Variants in SLC6A7 observed in about 807,000 individuals in gnomAD.
SLC6A7 encodes solute carrier family 6 member 7, also known as sodium-dependent proline transporter.
Under a neutral mutation model 73.1 loss-of-function variants are expected in SLC6A7, and 58 were observed. That is an observed-to-expected ratio of 0.79 (90% confidence interval 0.64 to 0.99). SLC6A7 has a LOEUF of 0.99. SLC6A7 is among the 50% of genes least tolerant of loss of function. The probability of loss-of-function intolerance (pLI) is 0.00; values close to 1 mark genes in which losing one functional copy is unlikely to be tolerated. For synonymous variants in SLC6A7, 338 were observed against 338.7 expected (o/e 1.00, Z 0.02); for missense variants, 783 against 831.4 (o/e 0.94, Z 0.72).
intron 6 of SLC6A7, 149 bp from the exon 7 acceptor site, chr5:150,202,198 G>A: frequency 1.6e-6 from 1 of 638,050 alleles, no homozygotes; most frequent in South Asian, 1.8e-5. Context: ...CTTTGCTCCT[G>A]GTCCACGTCA....
At chr5:150,205,780 T>C (rs1562101139) in intron 13 of SLC6A7, among the ~76,000 whole-genome samples, 157 bp downstream of exon 13, 1 of 152,178 alleles carries the variant, frequency 6.6e-6, no homozygotes, top group East Asian at 1.9e-4. Context: ...GGGGCTGGAG[T>C]CCTGCCCTGT....
rs761857028 is a variant in SLC6A7 at position 150,190,286 on chromosome 5, T to C, written c.-42T>C. ...GACCATCTCTCGTGCCCTCGCTCTC[T>C]GCGCTCCGGGGCAGCTGAGCCCCGG... On this transcript the variant is annotated 5_prime_UTR_variant, in exon 1 of 14. Transcript: ENST00000230671. The C allele has an allele frequency of 2.4e-5, 36 of 1,498,934 alleles. No homozygotes were observed. The Admixed American group carries it at 6.6e-4, about 28-fold the overall frequency. 92.9% of individuals were successfully genotyped at this position (1,498,934 alleles called of 1,614,324 possible).
intron 2 of SLC6A7, among the ~76,000 whole-genome samples, chr5:150,196,122 C>T (rs946531240): frequency 1.3e-5 from 2 of 152,174 alleles, no homozygotes; most frequent in Non-Finnish European, 2.9e-5. Flanking sequence ...GAGGAGAGGG[C>T]GGTGAACCCC....
intron 2 of SLC6A7, among the ~76,000 whole-genome samples, chr5:150,196,287 G>C (rs1467407655): frequency 1.3e-5 from 2 of 152,216 alleles, no homozygotes; most frequent in Non-Finnish European, 2.9e-5. Flanking sequence ...AGAACCAAAG[G>C]GGAAGGGCTA....
Position 150,209,642 on chromosome 5 carries a change from C to T in SLC6A7, c.*27C>T. On this transcript the variant is annotated 3_prime_UTR_variant, in exon 14 of 14. Transcript: ENST00000230671. ...GCAGGAGGCAGGCGGGCAGAAGGCCCTGCCCGGGACCTCACAGTCCCTTCT... is the reference window on the plus strand; with the variant it reads ...GCAGGAGGCAGGCGGGCAGAAGGCCTTGCCCGGGACCTCACAGTCCCTTCT... The T allele has an allele frequency of 6.5e-7, 1 of 1,531,430 alleles. No individual in the cohort carries two copies. The highest frequency in any genetic ancestry group is 8.9e-7 in the Non-Finnish European group (1 of 1,123,678). The allele number at this position is 1,531,430 out of a possible 1,614,324, so 94.9% of individuals were successfully genotyped here. A position where few individuals can be genotyped will look rare whatever the true frequency, so the allele number is the denominator to read the frequency against.
At chr5:150,191,726 A>G (rs937348371) in intron 1 of SLC6A7, among the ~76,000 whole-genome samples, 4 of 151,992 alleles carry the variant, frequency 2.6e-5, no homozygotes, top group African/African-American at 9.7e-5. Flanking sequence ...CACTGCGCCC[A>G]GCTGGTATGT....
Position 150,197,032 on chromosome 5 carries a change from C to G in SLC6A7, c.350-10C>G, listed in dbSNP as rs1046829305. On this transcript the variant is annotated splice_polypyrimidine_tract_variant and intron_variant, in intron 3 of 13. Coordinates refer to ENST00000230671, the MANE Select transcript of SLC6A7 (RefSeq NM_014228.5). Reference sequence around the variant, plus strand: ...GGCCTGGGCAGCCCAGCAGCCTCTCCCCACACCAGGCGCCGGCGCAGCCAT... The same window carrying G: ...GGCCTGGGCAGCCCAGCAGCCTCTCGCCACACCAGGCGCCGGCGCAGCCAT... 1 of 1,612,094 alleles carries G rather than the reference C, an allele frequency of 6.2e-7. No individual in the cohort carries two copies. The highest frequency in any genetic ancestry group is 8.5e-7 in the Non-Finnish European group (1 of 1,178,572).
chr5:150,204,745 G>A (rs1753591345), intron 11 of SLC6A7, 82 bp from the exon 12 acceptor site: 3 of 1,333,340 alleles, frequency 2.2e-6, no homozygotes, highest in Non-Finnish European at 2.2e-6. Flanking sequence ...GTTTCCAGTG[G>A]GGGCAGCTGG....
In SLC6A7 at chr5:150,197,053, G is replaced by T. The variant is rs778572612; in HGVS notation, c.361G>T (p.Ala121Ser). 1 of 1,613,900 alleles carries T rather than the reference G, an allele frequency of 6.2e-7. No homozygotes were observed. Among genetic ancestry groups the T allele is most frequent in the Non-Finnish European group, 8.5e-7 (1 of 1,179,924 alleles). ...ISPLFKGAGA[A>S]MLLIVGLVAI... is the part of the protein sequence containing the mutation. ...TCTCCCCACACCAGGCGCCGGCGCA[G>T]CCATGCTGCTCATCGTGGGCTTGGT... Residue 121 changes from alanine (A) to serine (S), a missense_variant, in exon 4 of 14, where the codon GCC becomes TCC. Coordinates refer to ENST00000230671, the MANE Select transcript of SLC6A7 (RefSeq NM_014228.5).
chr5:150,195,364 G>A (rs1369632119), intron 2 of SLC6A7, among the ~76,000 whole-genome samples: 1 of 151,474 alleles, frequency 6.6e-6, no homozygotes, highest in African/African-American at 2.4e-5. Flanking sequence ...CTTCCATTCA[G>A]GCTGCAAACA....
rs1353330872 is a variant in SLC6A7 at position 150,198,112 on chromosome 5, A to G, written c.584+836A>G. On this transcript the variant is annotated intron_variant, in intron 4 of 13. Coordinates refer to ENST00000230671, the MANE Select transcript of SLC6A7 (RefSeq NM_014228.5). The stretch of plus-strand genomic sequence containing the variant: ...GAAAGAAAGAAAGAAAGAAAGAAAG[A>G]AAGAGAAAGAAAGAAAGAAAGAAAG... 4.7e-4 allele frequency among the ~76,000 whole-genome samples: 42 copies of G among 88,460 alleles called. 1 individual carries two copies. Among genetic ancestry groups the G allele is most frequent in the Non-Finnish European group, 9.2e-4 (33 of 35,766 alleles). 58.0% of individuals were successfully genotyped at this position (88,460 alleles called of 152,430 possible). A position where few individuals can be genotyped will look rare whatever the true frequency, so the allele number is the denominator to read the frequency against.
chr5:150,210,084 A>G lies in SLC6A7; in HGVS notation c.*469A>G, dbSNP rs2240795. On this transcript the variant is annotated 3_prime_UTR_variant, in exon 14 of 14. Coordinates refer to ENST00000230671, the MANE Select transcript of SLC6A7 (RefSeq NM_014228.5). ...ACCAGAATCTTGAGTTGGGCAGGGA[A>G]GGTCAGGGCTACAGAGGCTCTTGAG... The G allele has an allele frequency of 0.55, 98,317 of 177,196 alleles. 30,400 individuals carry two copies. Among genetic ancestry groups the G allele is most frequent in the African/African-American group, 0.86 (36,657 of 42,574 alleles). 11.0% of individuals were successfully genotyped at this position (177,196 alleles called of 1,614,324 possible).
chr5:150,200,912 G>T (rs993454750), intron 5 of SLC6A7, among the ~76,000 whole-genome samples, 177 bp from the exon 6 acceptor site: 1 of 152,212 alleles, frequency 6.6e-6, no homozygotes, highest in Non-Finnish European at 1.5e-5. Flanking sequence ...AAGCAAGGTG[G>T]TGGTGCTTTG....
chr5:150,204,147 T>C, intron 10 of SLC6A7, 109 bp downstream of exon 10: 1 of 1,139,690 alleles, frequency 8.8e-7, no homozygotes, highest in South Asian at 1.5e-5. Flanking sequence ...ATCTTCCTCT[T>C]TGCAAGGAAC....
In SLC6A7 at chr5:150,209,739, C is replaced by A; in HGVS notation, c.*124C>A. On this transcript the variant is annotated 3_prime_UTR_variant, in exon 14 of 14. Transcript: ENST00000230671. ...TATGGGGGGGCCTGCCATAGGGATG[C>A]CAGTCCCCCAGTGGGGGTCCCTTCT... The A allele has an allele frequency of 1.3e-6, 1 of 776,966 alleles. No homozygotes were observed. Among genetic ancestry groups the A allele is most frequent in the Non-Finnish European group, 2.2e-6 (1 of 463,574 alleles). 48.1% of individuals were successfully genotyped at this position (776,966 alleles called of 1,614,324 possible). A position where few individuals can be genotyped will look rare whatever the true frequency, so the allele number is the denominator to read the frequency against.
At chr5:150,198,117 G>GAAAGAAGGAAAGAA (rs1562085830) in intron 4 of SLC6A7, among the ~76,000 whole-genome samples, 604 of 57,574 alleles carry the variant, frequency 0.01, 42 homozygotes, top group African/African-American at 0.019. Context: ...GAAAGAAAGA[G>GAAAGAAGGAAAGAA]AAAGAAAGAA....
In SLC6A7 at chr5:150,196,820, G is replaced by C. The variant is rs775035174; in HGVS notation, c.322G>C (p.Val108Leu). Residue 108 changes from valine to leucine, a missense_variant, in exon 3 of 14, where the codon GTC becomes CTC. Transcript: ENST00000230671. Reference sequence around the variant, plus strand: ...GTTCTCCAGCCTAGGGCCCCTGGCTGTCTGGAAAATCAGCCCTCTCTTCAA... The same window carrying C: ...GTTCTCCAGCCTAGGGCCCCTGGCTCTCTGGAAAATCAGCCCTCTCTTCAA... Reference protein sequence around the residue: ...GQFSSLGPLAVWKISPLFKGA... With the variant: ...GQFSSLGPLALWKISPLFKGA... The C allele has an allele frequency of 5.7e-5, 92 of 1,613,958 alleles. No homozygotes were observed. Among genetic ancestry groups the C allele is most frequent in the Admixed American group, 3.3e-5 (2 of 59,994 alleles).
In SLC6A7 at chr5:150,209,472, A is replaced by C. The variant is rs1450707274; in HGVS notation, c.1768A>C (p.Met590Leu). 1.5e-5 allele frequency: 24 copies of C among 1,614,038 alleles called. No homozygotes were observed. Among genetic ancestry groups the C allele is most frequent in the Non-Finnish European group, 1.9e-5 (23 of 1,180,044 alleles). The part of the protein sequence containing the change: ...GPSLEENRTG[M>L]YVATLAGSQS... ...ATCGCTGGAGGAGAACCGGACGGGC[A>C]TGTATGTGGCCACGCTGGCTGGGAG... The change falls in exon 14 of 14, where the codon ATG becomes CTG. Residue 590 changes from methionine to leucine, a missense_variant. Met to Leu is a conservative substitution (Grantham distance 15). Coordinates refer to ENST00000230671, the MANE Select transcript of SLC6A7 (RefSeq NM_014228.5).
At chr5:150,194,492 T>G (rs1752924198) in intron 1 of SLC6A7, among the ~76,000 whole-genome samples, 1 of 151,058 alleles carries the variant, frequency 6.6e-6, no homozygotes, top group African/African-American at 2.4e-5. Context: ...CAGACTAAGG[T>G]CAGGGTAGCT....
Sources: gnomAD v4.1 joint callset for allele counts (sites outside exome capture counted in the v4.1 genomes callset) on GRCh38, gnomAD v4.1.1 for gene constraint, MANE v1.5 for transcripts, NCBI Gene and HGNC (gene_info 2026-07-23, HGNC 2026-07-21) for gene names.